Variants in EVI5 observed in about 807,000 individuals in gnomAD.
The protein encoded by EVI5 is ecotropic viral integration site 5, also known as ecotropic viral integration site 5 protein homolog.
EVI5 carries 73 observed loss-of-function variants against 112.0 expected under a neutral mutation model. The observed-to-expected ratio is 0.65, with a 90% CI of 0.54 to 0.79. The LOEUF (loss-of-function observed/expected upper bound fraction) is 0.79, where lower values mean the gene tolerates loss of function less well. EVI5 is among the 30% of genes least tolerant of loss of function. EVI5 has a pLI of 0.00. For missense variants in EVI5, 900 were observed against 968.8 expected (o/e 0.93, Z 0.94); for synonymous variants, 305 against 319.9 (o/e 0.95, Z 0.50).
At chr1:92,741,270 T>A (rs927164016) in intron 1 of EVI5, among the ~76,000 whole-genome samples, 3 of 152,124 alleles carry the variant, frequency 2.0e-5, no homozygotes, top group African/African-American at 7.2e-5. Flanking sequence ...TTAACCACTA[T>A]CAAGAATGAG....
rs1403382509 is a variant in EVI5 at position 92,512,663 on chromosome 1, A to G, written c.*993T>C. On this transcript the variant is annotated 3_prime_UTR_variant, in exon 20 of 20. Coordinates refer to ENST00000684568, the MANE Select transcript of EVI5 (RefSeq NM_001350197.2). ...TTAACCTACTACTCTAGTAACCAAC[A>G]CATGGAAGCATCATATGCACATAAA... 3.9e-5 allele frequency: 6 copies of G among 152,226 alleles called. No homozygotes were observed. Among genetic ancestry groups the G allele is most frequent in the African/African-American group, 1.4e-4 (6 of 41,460 alleles). The allele number at this position is 152,226 out of a possible 1,614,324, so 9.4% of individuals were successfully genotyped here.
intron 1 of EVI5, among the ~76,000 whole-genome samples, chr1:92,746,363 C>A (rs11164803): frequency 0.2 from 29,939 of 152,126 alleles, 3,480 homozygotes; most frequent in Non-Finnish European, 0.26. Context: ...TGTTAAATAG[C>A]ACATTTCAAT....
At chr1:92,730,082 G>T (rs1316466203) in intron 2 of EVI5, among the ~76,000 whole-genome samples, 1 of 152,148 alleles carries the variant, frequency 6.6e-6, no homozygotes, top group African/African-American at 2.4e-5. Flanking sequence ...AATAGAAAGA[G>T]GTGTCAAGTG....
chr1:92,717,636 T>C (rs1570558314), intron 2 of EVI5, among the ~76,000 whole-genome samples: 1 of 152,180 alleles, frequency 6.6e-6, no homozygotes, highest in East Asian at 1.9e-4. Context: ...ACTGTATCAA[T>C]TAACGGGCAA....
chr1:92,732,898 CA>C (rs3042602), intron 2 of EVI5, among the ~76,000 whole-genome samples: 212 of 89,068 alleles, frequency 2.4e-3, no homozygotes, highest in African/African-American at 7.4e-3. Context: ...GACTCCATCT[CA>C]AAAAAAAAAA....
chr1:92,653,361 C>T (rs1662468189), intron 13 of EVI5, among the ~76,000 whole-genome samples: 2 of 152,220 alleles, frequency 1.3e-5, no homozygotes, highest in African/African-American at 4.8e-5. Context: ...ACAAAGGAAA[C>T]CAGAACACAT....
chr1:92,709,025 T>C (rs1672445058), intron 2 of EVI5, among the ~76,000 whole-genome samples: 1 of 152,192 alleles, frequency 6.6e-6, no homozygotes, highest in African/African-American at 2.4e-5. Flanking sequence ...CTAAAATTGA[T>C]TGTGTTGACA....
chr1:92,515,353 T>A (rs138451817), intron 19 of EVI5, among the ~76,000 whole-genome samples: 233 of 152,352 alleles, frequency 1.5e-3, no homozygotes, highest in Non-Finnish European at 2.8e-3. Flanking sequence ...CATCTGCCAC[T>A]TCTTTGCTCA....
At chr1:92,624,367 C>A in intron 15 of EVI5, 33 bp from the exon 16 acceptor site, 2 of 1,578,020 alleles carry the variant, frequency 1.3e-6, no homozygotes, top group Admixed American at 1.7e-5. Context: ...GCAACAAATA[C>A]TCTCAGTATC....
chr1:92,639,859 C>A (rs1659598299), intron 13 of EVI5, among the ~76,000 whole-genome samples: 1 of 152,188 alleles, frequency 6.6e-6, no homozygotes, highest in Admixed American at 6.5e-5. Context: ...CGCTACCTGA[C>A]TTCAAACTAT....
chr1:92,647,683 A>T, intron 13 of EVI5: 1 of 277,514 alleles, frequency 3.6e-6, no homozygotes, highest in Non-Finnish European at 7.3e-6. Context: ...ACCTAGCAAG[A>T]GGGAAGGTGA....
chr1:92,640,034 T>C (rs1557973277), intron 13 of EVI5, among the ~76,000 whole-genome samples: 1 of 152,192 alleles, frequency 6.6e-6, no homozygotes, highest in East Asian at 1.9e-4. Flanking sequence ...ATTCAATAAA[T>C]GGTGCTTGGA....
chr1:92,727,509 C>G (rs1285941029), intron 2 of EVI5, among the ~76,000 whole-genome samples: 2 of 151,974 alleles, frequency 1.3e-5, no homozygotes, highest in East Asian at 3.9e-4. Flanking sequence ...TCTGATTTAT[C>G]CCAGATAGAT....
chr1:92,668,004 T>TA (rs1665225202), intron 10 of EVI5, among the ~76,000 whole-genome samples: 1 of 152,152 alleles, frequency 6.6e-6, no homozygotes, highest in African/African-American at 2.4e-5. Flanking sequence ...AAATTTCTGC[T>TA]AAAAAATGTC....
At position 92,636,531 on chromosome 1, in the gene EVI5, T is replaced by G. The variant is rs536544656; in HGVS notation, c.1393-195A>C. Reference sequence around the variant, plus strand: ...AGTAAAAAAGCCCACCTTTGATATCTATAAAGATGACCACATTATTGGGTT... The same window carrying G: ...AGTAAAAAAGCCCACCTTTGATATCGATAAAGATGACCACATTATTGGGTT... On this transcript the variant is annotated intron_variant, in intron 13 of 19. Coordinates refer to ENST00000684568, the MANE Select transcript of EVI5 (RefSeq NM_001350197.2). Among the ~76,000 whole-genome samples the G allele has an allele frequency of 3.9e-5, 6 of 152,358 alleles. No individual in the cohort carries two copies. The East Asian group carries it at 1.2e-3, about 29-fold the overall frequency.
chr1:92,531,967 T>A (rs1342252132), intron 19 of EVI5, among the ~76,000 whole-genome samples: 3 of 152,170 alleles, frequency 2.0e-5, no homozygotes, highest in African/African-American at 7.2e-5. Context: ...ATGGGCTAAA[T>A]GCCCCAATTA....
chr1:92,619,486 A>G (rs1654029604), intron 16 of EVI5, among the ~76,000 whole-genome samples: 1 of 151,724 alleles, frequency 6.6e-6, no homozygotes, highest in African/African-American at 2.4e-5. Flanking sequence ...CTGCCCCTCT[A>G]GAGAACCCTG....
At chr1:92,785,594 A>G (rs575249653), upstream of EVI5, among the ~76,000 whole-genome samples, 1 of 152,342 alleles carries the variant, frequency 6.6e-6, no homozygotes, top group South Asian at 2.1e-4. Context: ...CATTGGGTTT[A>G]TGCAGACTAC....
At chr1:92,552,710 T>C (rs1667131198) in intron 19 of EVI5, among the ~76,000 whole-genome samples, 1 of 152,204 alleles carries the variant, frequency 6.6e-6, no homozygotes, top group Non-Finnish European at 1.5e-5. Context: ...CACTCGAATT[T>C]TTTCCTAGAA....
Sources: gnomAD v4.1 joint callset for allele counts (sites outside exome capture counted in the v4.1 genomes callset) on GRCh38, gnomAD v4.1.1 for gene constraint, MANE v1.5 for transcripts, NCBI Gene and HGNC (gene_info 2026-07-23, HGNC 2026-07-21) for gene names.